CEP63: variants seen among roughly 807,000 people sequenced by gnomAD.
The protein encoded by CEP63 is centrosomal protein of 63 kDa.
CEP63 carries 84 observed loss-of-function variants against 89.1 expected under a neutral mutation model. The observed-to-expected ratio is 0.94, with a 90% confidence interval of 0.79 to 1.13. CEP63 has a LOEUF of 1.13. Among genes scored for constraint, CEP63 ranks in the 50% most tolerant of loss-of-function variants. The pLI is 0.00. For synonymous variants in CEP63, 267 were observed against 272.5 expected (o/e 0.98, Z 0.20); for missense variants, 838 against 813.3 (o/e 1.03, Z -0.37).
the CEP63 span, chr3:134,629,653 G>T: frequency 6.2e-7 from 1 of 1,601,944 alleles, no homozygotes; most frequent in Non-Finnish European, 8.5e-7. Flanking sequence ...GAGCAGCTGG[G>T]GCATGGCATC....
the CEP63 span, among the ~76,000 whole-genome samples, chr3:134,704,376 C>T: frequency 2.6e-5 from 4 of 151,866 alleles, no homozygotes; most frequent in East Asian, 7.7e-4. Flanking sequence ...CAGGGCCACA[C>T]CTAACATCCA....
upstream of CEP63, chr3:134,485,991 G>GCCCGCCC: frequency 1.1e-6 from 1 of 938,170 alleles, no homozygotes; most frequent in Non-Finnish European, 1.3e-6. Flanking sequence ...CTCCTGCCAC[G>GCCCGCCC]CCCCCCCCCC....
At chr3:134,651,149 T>G in the CEP63 span, 14 of 1,451,082 alleles carry the variant, frequency 9.6e-6, no homozygotes, top group African/African-American at 1.4e-5. Flanking sequence ...AGGGCCCGCC[T>G]GGGAGGGCGC....
the CEP63 span, among the ~76,000 whole-genome samples, chr3:134,616,884 G>T: frequency 1.3e-5 from 2 of 152,326 alleles, no homozygotes; most frequent in East Asian, 1.9e-4. Context: ...CCCCCAAACT[G>T]CAGTCTCATT....
the CEP63 span, chr3:134,647,515 T>C: frequency 6.4e-7 from 1 of 1,560,696 alleles, no homozygotes; most frequent in Non-Finnish European, 8.8e-7. Flanking sequence ...ATAACAAGCT[T>C]CTCTGAGGTG....
downstream of CEP63, among the ~76,000 whole-genome samples, chr3:134,575,552 A>ATT (rs1216153791): frequency 2.6e-5 from 3 of 115,798 alleles, no homozygotes; most frequent in East Asian, 2.6e-4. Flanking sequence ...CTTTGGAGAC[A>ATT]GGGTCTCACT....
the CEP63 span, among the ~76,000 whole-genome samples, chr3:134,732,497 T>C: frequency 6.6e-6 from 1 of 151,966 alleles, no homozygotes; most frequent in Non-Finnish European, 1.5e-5. Flanking sequence ...AAAAAGGCAA[T>C]AGAATTTTAT....
the CEP63 span, chr3:134,647,562 G>T: frequency 1.0e-6 from 1 of 960,698 alleles, no homozygotes; most frequent in Non-Finnish European, 1.7e-6. Context: ...ACCAGTTGCA[G>T]ACTTATCTAG....
intron 1 of CEP63, among the ~76,000 whole-genome samples, chr3:134,491,326 T>A (rs910244407): frequency 6.6e-6 from 1 of 152,248 alleles, no homozygotes; most frequent in Admixed American, 6.5e-5. Flanking sequence ...TGAGCAAGGT[T>A]GAACATCTTT....
At chr3:134,691,641 A>G in the CEP63 span, among the ~76,000 whole-genome samples, 1 of 152,188 alleles carries the variant, frequency 6.6e-6, no homozygotes, top group Non-Finnish European at 1.5e-5. Flanking sequence ...TTCTCAGTTC[A>G]TTAAAAACAG....
the CEP63 span, among the ~76,000 whole-genome samples, chr3:134,645,871 T>C: frequency 1.3e-5 from 2 of 152,214 alleles, no homozygotes; most frequent in Non-Finnish European, 2.9e-5. Flanking sequence ...TTTGTGATAT[T>C]TTTCCACTAA....
chr3:134,509,592 T>C (rs1944355405), intron 3 of CEP63, among the ~76,000 whole-genome samples: 1 of 152,186 alleles, frequency 6.6e-6, no homozygotes, highest in Non-Finnish European at 1.5e-5. Context: ...ATTTTTTATA[T>C]CTTCATTAAA....
At chr3:134,489,145 A>G (rs1304506523) in intron 1 of CEP63, among the ~76,000 whole-genome samples, 2 of 145,152 alleles carry the variant, frequency 1.4e-5, no homozygotes, top group Non-Finnish European at 1.5e-5. Context: ...TGGGTGACGG[A>G]GCGAGACTGT....
At chr3:134,556,366 A>T (rs970728276) in intron 12 of CEP63, among the ~76,000 whole-genome samples, 8 of 152,148 alleles carry the variant, frequency 5.3e-5, no homozygotes, top group African/African-American at 1.4e-4. Flanking sequence ...AATTTTCGAA[A>T]GGATTTATTT....
the CEP63 span, chr3:134,651,262 C>T: frequency 1.7e-6 from 2 of 1,208,366 alleles, no homozygotes; most frequent in African/African-American, 3.2e-5. Flanking sequence ...CGGTCCAGAG[C>T]CTCCCTCCCT....
the CEP63 span, among the ~76,000 whole-genome samples, chr3:134,626,574 C>G: frequency 6.6e-6 from 1 of 152,168 alleles, no homozygotes; most frequent in African/African-American, 2.4e-5. Flanking sequence ...GCCCACACGT[C>G]GTCAGGGCTG....
chr3:134,540,641 T>C (rs557595502), intron 6 of CEP63, among the ~76,000 whole-genome samples: 3 of 152,224 alleles, frequency 2.0e-5, no homozygotes, highest in Middle Eastern at 3.4e-3. Context: ...TGAAAAAAAA[T>C]GATACCATTG....
At chr3:134,679,111 C>T in the CEP63 span, among the ~76,000 whole-genome samples, 1 of 151,632 alleles carries the variant, frequency 6.6e-6, no homozygotes, top group African/African-American at 2.4e-5. Context: ...GTAGTTTACT[C>T]AAAAGGAAAA....
the CEP63 span, among the ~76,000 whole-genome samples, chr3:134,642,690 G>A: frequency 5.9e-5 from 9 of 152,198 alleles, no homozygotes; most frequent in African/African-American, 2.2e-4. Context: ...AGGAGAGGCC[G>A]AAGAACTGCT....
Sources: gnomAD v4.1 joint callset for allele counts (sites outside exome capture counted in the v4.1 genomes callset) on GRCh38, gnomAD v4.1.1 for gene constraint, MANE v1.5 for transcripts, NCBI Gene and HGNC (gene_info 2026-07-23, HGNC 2026-07-21) for gene names.